Variants in RIMS1 observed in about 807,000 individuals in gnomAD.
RIMS1 encodes regulating synaptic membrane exocytosis protein 1.
A neutral mutation model predicts 214.1 loss-of-function variants in RIMS1; 83 were observed. The observed-to-expected ratio is 0.39, with a 90% CI of 0.32 to 0.47. The LOEUF (loss-of-function observed/expected upper bound fraction) is 0.47, where lower values mean the gene tolerates loss of function less well. Ranked by LOEUF, RIMS1 falls within the 20% of genes least tolerant of loss-of-function variation. The pLI, the probability that RIMS1 is intolerant of heterozygous loss-of-function variation, is 0.99. For synonymous variants in RIMS1, 793 were observed against 786.8 expected, an observed-to-expected ratio of 1.01 and a Z score of -0.13; for missense variants, 2,050 against 2,161.8, an observed-to-expected ratio of 0.95 and a Z score of 1.03.
Position 71,934,351 on chromosome 6 carries a change from A to G in RIMS1, c.165-34632A>G, listed in dbSNP as rs929699803. Among the ~76,000 whole-genome samples the G allele has an allele frequency of 3.0e-4, 45 of 152,206 alleles. 1 individual carries two copies. The highest frequency in any genetic ancestry group is 1.1e-3 in the African/African-American group (45 of 41,438). ...ATATTAACACTGAATATAGGTTGCGATGAATCACAGTTTGTCAGCTTTCAA... is the reference window on the plus strand; with the variant it reads ...ATATTAACACTGAATATAGGTTGCGGTGAATCACAGTTTGTCAGCTTTCAA... On this transcript the variant is annotated intron_variant, in intron 1 of 33. Transcript: ENST00000521978.
chr6:72,221,953 A>G (rs1424566119), intron 6 of RIMS1, among the ~76,000 whole-genome samples: 3 of 152,050 alleles, frequency 2.0e-5, no homozygotes, highest in Non-Finnish European at 4.4e-5. Flanking sequence ...TTATTAGGTC[A>G]GTCTTCAATG....
Position 72,160,918 on chromosome 6 carries a change from C to T in RIMS1, c.472-18657C>T, listed in dbSNP as rs1477827518. On this transcript the variant is annotated intron_variant, in intron 4 of 33. Transcript: ENST00000521978. The stretch of plus-strand genomic sequence containing the variant: ...CTCATAAAATGAGTTAGGGAGGATT[C>T]CCTCTTTTTCTATTGATTGGAATAG... Among the ~76,000 whole-genome samples the T allele has an allele frequency of 4.3e-5, 6 of 139,880 alleles. 2 individuals carry two copies. The highest frequency in any genetic ancestry group is 9.7e-5 in the Non-Finnish European group (6 of 61,640). The allele number at this position is 139,880 out of a possible 152,430, so 91.8% of individuals were successfully genotyped here.
At position 72,290,830 on chromosome 6, in the gene RIMS1, G is replaced by A; in HGVS notation, c.3706G>A (p.Gly1236Arg). The A allele has an allele frequency of 6.2e-7, 1 of 1,613,090 alleles. No individual in the cohort carries two copies. Among genetic ancestry groups the A allele is most frequent in the Non-Finnish European group, 8.5e-7 (1 of 1,179,696 alleles). The change falls in exon 25 of 34, where the codon GGG becomes AGG. Residue 1236 changes from glycine (G) to arginine (R), a missense_variant. By Grantham distance (125) the Gly-to-Arg change is moderately radical (BLOSUM62 -2). Around this residue, in one of 6 missense-constraint regions of RIMS1, gnomAD observed 889 missense variants for 885.5 expected, o/e 1.00. Coordinates refer to ENST00000521978, the MANE Select transcript of RIMS1 (RefSeq NM_014989.7). ...TTCTATGCACCACCTTGTCCCTGGA[G>A]GGTCGGCGCCACCTTCTCCGCTTCT... ...LCSMHHLVPG[G>R]SAPPSPLLTR...
At chr6:71,944,671 G>T (rs1198257386) in intron 1 of RIMS1, among the ~76,000 whole-genome samples, 1 of 152,126 alleles carries the variant, frequency 6.6e-6, no homozygotes, top group Non-Finnish European at 1.5e-5. Flanking sequence ...ACAGGCTAAA[G>T]ATTTCATAAC....
intron 29 of RIMS1, among the ~76,000 whole-genome samples, chr6:72,345,854 A>G (rs1168581547): frequency 1.3e-5 from 2 of 151,708 alleles, no homozygotes; most frequent in African/African-American, 4.8e-5. Flanking sequence ...ACCATTTACT[A>G]AGAGGGTGGT....
intron 6 of RIMS1, among the ~76,000 whole-genome samples, chr6:72,223,494 G>A (rs745557765): frequency 3.3e-5 from 5 of 151,924 alleles, no homozygotes; most frequent in South Asian, 2.1e-4. Context: ...CAGTAGCTGC[G>A]AAAATGTAAA....
At chr6:72,277,273 T>C (rs2086949108) in intron 23 of RIMS1, among the ~76,000 whole-genome samples, 1 of 152,166 alleles carries the variant, frequency 6.6e-6, no homozygotes, top group African/African-American at 2.4e-5. Flanking sequence ...AACATGAAGG[T>C]ACTTTTATCT....
intron 19 of RIMS1, chr6:72,261,965 A>G (rs1465853948): frequency 5.1e-6 from 5 of 984,520 alleles, no homozygotes; most frequent in Non-Finnish European, 6.0e-6. Flanking sequence ...CTTGACAAAC[A>G]GTTTCTTAAA....
rs1591197483 is a variant in RIMS1 at position 72,264,959 on chromosome 6, T to C, written c.3117-16T>C. 6.5e-7 allele frequency: 1 copy of C among 1,548,144 alleles called. No homozygotes were observed. The highest frequency in any genetic ancestry group is 8.8e-7 in the Non-Finnish European group (1 of 1,133,304). The stretch of plus-strand genomic sequence containing the variant: ...TATTTTTCTGTTTCCTGCGTGTTTG[T>C]GTTGCTACGTTCCAGACATCTTGTT... On this transcript the variant is annotated splice_polypyrimidine_tract_variant and intron_variant, in intron 19 of 33. Transcript: ENST00000521978.
At chr6:72,038,118 A>AAAAAAAT (rs1820399900) in intron 2 of RIMS1, among the ~76,000 whole-genome samples, 7 of 13,416 alleles carry the variant, frequency 5.2e-4, no homozygotes, top group Non-Finnish European at 4.8e-4. Flanking sequence ...AAAAAAAAAA[A>AAAAAAAT]ATATATATAT....
chr6:72,223,947 CAAAAA>C (rs34645921), intron 6 of RIMS1, among the ~76,000 whole-genome samples: 1 of 105,950 alleles, frequency 9.4e-6, no homozygotes, highest in African/African-American at 3.5e-5. Context: ...GACTCCGTCT[CAAAAA>C]AAAAAAAAAA....
At chr6:72,046,458 A>C (rs1222094531) in intron 2 of RIMS1, among the ~76,000 whole-genome samples, 1 of 152,120 alleles carries the variant, frequency 6.6e-6, no homozygotes, top group East Asian at 1.9e-4. Flanking sequence ...AAACACATTA[A>C]GAGGGATTAG....
intron 1 of RIMS1, among the ~76,000 whole-genome samples, chr6:71,960,547 T>G (rs2151243874): frequency 6.6e-6 from 1 of 152,270 alleles, no homozygotes; most frequent in South Asian, 2.1e-4. Context: ...CAGAAGCACC[T>G]TCTGTCATGG....
intron 19 of RIMS1, chr6:72,261,192 T>A: frequency 9.8e-7 from 1 of 1,016,366 alleles, no homozygotes; most frequent in Non-Finnish European, 1.2e-6. Context: ...TTTTTTAATT[T>A]CCTTTTAGAA....
chr6:72,085,139 A>T (rs1257070855), intron 2 of RIMS1, among the ~76,000 whole-genome samples: 2 of 152,166 alleles, frequency 1.3e-5, no homozygotes, highest in Non-Finnish European at 2.9e-5. Flanking sequence ...GAATGCAAAA[A>T]TAAAATGCTT....
chr6:71,909,112 C>T (rs1355724818), intron 1 of RIMS1, among the ~76,000 whole-genome samples: 6 of 152,124 alleles, frequency 3.9e-5, no homozygotes, highest in Non-Finnish European at 8.8e-5. Context: ...GCCTCAGCCT[C>T]TGGAGCAGAT....
rs770652754 is a variant in RIMS1 at position 72,292,022 on chromosome 6, G to T, written c.3826G>T (p.Val1276Leu). 4.5e-6 allele frequency: 7 copies of T among 1,557,580 alleles called. No homozygotes were observed. The South Asian group carries it at 8.3e-5, about 18-fold the overall frequency. ...RRGRQLPQVPVRSGSIEQASL... is the reference protein window; with the variant it reads ...RRGRQLPQVPLRSGSIEQASL... ...GGGAAGACAGCTCCCACAAGTGCCA[G>T]TGAGAAGCGGCAGTATAGAACAAGG... The change falls in exon 26 of 34, where the codon GTG (valine) becomes TTG (leucine). Residue 1276 changes from valine (V) to leucine (L), a missense_variant. This residue lies in a region of RIMS1 where 889 missense variants were observed against 885.5 expected (regional missense o/e 1.00). Coordinates refer to ENST00000521978, the MANE Select transcript of RIMS1 (RefSeq NM_014989.7).
At chr6:72,098,869 A>C (rs529514238) in intron 3 of RIMS1, among the ~76,000 whole-genome samples, 2 of 152,330 alleles carry the variant, frequency 1.3e-5, no homozygotes, top group East Asian at 1.9e-4. Flanking sequence ...GCCACCTTAT[A>C]GGCTTTCTAA....
At chr6:72,382,690 A>G (rs1407707976) in intron 29 of RIMS1, among the ~76,000 whole-genome samples, 1 of 152,172 alleles carries the variant, frequency 6.6e-6, no homozygotes, top group Admixed American at 6.5e-5. Context: ...ACTATCTTCA[A>G]TCACCATTAA....
Sources: gnomAD v4.1 joint callset for allele counts (sites outside exome capture counted in the v4.1 genomes callset) on GRCh38, gnomAD v4.1.1 for gene constraint, gnomAD v4.1.1 regional missense constraint, MANE v1.5 for transcripts, NCBI Gene and HGNC (gene_info 2026-07-23, HGNC 2026-07-21) for gene names.